The following PCDHA12 variants were observed in gnomAD, a reference collection of about 807,000 sequenced individuals.
PCDHA12 encodes the protein protocadherin alpha-12.
Under a neutral mutation model 60.0 loss-of-function variants are expected in PCDHA12, and 44 were observed. That is an observed-to-expected ratio of 0.73 (90% CI 0.58 to 0.94). The LOEUF is 0.94. Among genes scored for constraint, PCDHA12 ranks in the 40% least tolerant of loss-of-function variants. PCDHA12 has a pLI of 0.00. For synonymous variants in PCDHA12, 569 were observed against 553.0 expected (o/e 1.03, Z -0.40); for missense variants, 1,276 against 1,239.7 (o/e 1.03, Z -0.44).
intron 1 of PCDHA12, among the ~76,000 whole-genome samples, chr5:140,925,576 A>G (rs1157907719): frequency 2.0e-5 from 3 of 151,872 alleles, no homozygotes; most frequent in African/African-American, 7.3e-5. Flanking sequence ...CAGCACACCA[A>G]CATGGCGCAT....
intron 1 of PCDHA12, among the ~76,000 whole-genome samples, chr5:140,930,792 A>G (rs782797665): frequency 4.9e-4 from 74 of 152,228 alleles, no homozygotes; most frequent in Admixed American, 1.4e-3. Flanking sequence ...AATATAATAG[A>G]ATCCAGCATA....
chr5:140,946,327 G>C (rs2093929992), intron 1 of PCDHA12, among the ~76,000 whole-genome samples: 2 of 151,720 alleles, frequency 1.3e-5, no homozygotes, highest in Non-Finnish European at 3.0e-5. Flanking sequence ...AAAGAGGAAA[G>C]ATAACAAGTG....
At chr5:140,880,514 T>A (rs2058367516) in intron 1 of PCDHA12, among the ~76,000 whole-genome samples, 1 of 152,198 alleles carries the variant, frequency 6.6e-6, no homozygotes, top group African/African-American at 2.4e-5. Context: ...TTTGGTCACA[T>A]CTCTCAATGT....
At position 140,876,989 on chromosome 5, in the gene PCDHA12, G is replaced by A. The variant is rs781957201; in HGVS notation, c.1517G>A (p.Ser506Asn). The A allele has an allele frequency of 6.2e-7, 1 of 1,612,664 alleles. No individual in the cohort carries two copies. The change falls in exon 1 of 4, where the codon AGC (serine) becomes AAC (asparagine). Residue 506 changes from serine to asparagine, a missense_variant. Ser to Asn is a conservative substitution (Grantham distance 46, BLOSUM62 1). Transcript: ENST00000398631. ...ERRVGEHALS[S>N]YVSVHAESGK... ...CGGGTGGGCGAGCACGCACTGTCGA[G>A]CTACGTGTCGGTGCACGCGGAGAGC... is the stretch of plus-strand genomic sequence containing the variant.
At position 140,876,605 on chromosome 5, in the gene PCDHA12, A is replaced by T. The variant is rs1582292779; in HGVS notation, c.1133A>T (p.Asp378Val). 6.2e-7 allele frequency: 1 copy of T among 1,614,060 alleles called. No homozygotes were observed. The highest frequency in any genetic ancestry group is 1.1e-5 in the South Asian group (1 of 91,078). ...GCCCTGATTAGCGTGTCGGATCGTGACTCTGGAGCCAATGGACAGGTCATC... is the reference window on the plus strand; with the variant it reads ...GCCCTGATTAGCGTGTCGGATCGTGTCTCTGGAGCCAATGGACAGGTCATC... ...VIALISVSDR[D>V]SGANGQVICS... Residue 378 changes from aspartate to valine, a missense_variant, in exon 1 of 4, where the codon GAC becomes GTC. By Grantham distance (152) the Asp-to-Val change is radical (BLOSUM62 -3). Transcript: ENST00000398631.
chr5:140,962,008 C>T (rs1363169601), intron 1 of PCDHA12, among the ~76,000 whole-genome samples: 5 of 152,088 alleles, frequency 3.3e-5, no homozygotes, highest in South Asian at 2.1e-4. Context: ...CTCAGCTTCC[C>T]GAGTAGCTGG....
chr5:140,950,254 T>C (rs1554219388), intron 1 of PCDHA12, among the ~76,000 whole-genome samples: 1 of 152,040 alleles, frequency 6.6e-6, no homozygotes. Context: ...CCTAAAGAGC[T>C]GAGTTTATCC....
At chr5:140,914,930 T>C (rs1474677743) in intron 1 of PCDHA12, among the ~76,000 whole-genome samples, 1 of 150,038 alleles carries the variant, frequency 6.7e-6, no homozygotes, top group Non-Finnish European at 1.5e-5. Flanking sequence ...TTGTACTATG[T>C]TGTGAAAAGT....
chr5:140,967,659 G>A, intron 1 of PCDHA12: 1 of 1,614,218 alleles, frequency 6.2e-7, no homozygotes, highest in Non-Finnish European at 8.5e-7. Flanking sequence ...TCCTTGAGCA[G>A]CTACACGTCG....
intron 1 of PCDHA12, among the ~76,000 whole-genome samples, chr5:140,959,621 A>G (rs1198133284): frequency 6.6e-6 from 1 of 152,152 alleles, no homozygotes; most frequent in African/African-American, 2.4e-5. Flanking sequence ...CTTGTGATAG[A>G]AAAAAAGAGA....
chr5:140,906,252 C>T (rs1376694912), intron 1 of PCDHA12, among the ~76,000 whole-genome samples: 1 of 152,180 alleles, frequency 6.6e-6, no homozygotes, highest in Admixed American at 6.5e-5. Flanking sequence ...AACCCATACA[C>T]ACCTCCTGAA....
chr5:140,983,270 GGGT>G (rs1349296894), intron 3 of PCDHA12, among the ~76,000 whole-genome samples: 4 of 152,152 alleles, frequency 2.6e-5, no homozygotes, highest in Non-Finnish European at 2.9e-5. Flanking sequence ...CCTAATGGCT[GGGT>G]GAGTATAGGA....
chr5:140,959,471 C>T (rs910729465), intron 1 of PCDHA12, among the ~76,000 whole-genome samples: 3 of 151,970 alleles, frequency 2.0e-5, no homozygotes, highest in African/African-American at 7.3e-5. Context: ...TGGCATCAAT[C>T]AAGGCATATT....
In PCDHA12 at chr5:140,876,942, G is replaced by C. The variant is rs370156477; in HGVS notation, c.1470G>C (p.Val490=). Residue 490 remains valine, a synonymous_variant, in exon 1 of 4, where the codon GTG becomes GTC. Transcript: ENST00000398631. ...WDADAQKNAL[V]SYSLVERRVG... is the part of the protein sequence containing the mutation. The stretch of plus-strand genomic sequence containing the variant: ...CGGACGCGCAGAAGAACGCGCTGGT[G>C]TCCTACTCGCTGGTGGAGCGGCGGG... 1 of 1,613,660 alleles carries C rather than the reference G, an allele frequency of 6.2e-7. No individual in the cohort carries two copies. The highest frequency in any genetic ancestry group is 1.1e-5 in the South Asian group (1 of 91,062).
intron 1 of PCDHA12, among the ~76,000 whole-genome samples, chr5:140,878,476 A>G (rs1037108551): frequency 6.6e-6 from 1 of 152,204 alleles, no homozygotes; most frequent in Admixed American, 6.5e-5. Flanking sequence ...TCATTTCTCA[A>G]TTTAAAAATA....
chr5:140,875,981 A>G lies in PCDHA12; in HGVS notation c.509A>G (p.Tyr170Cys), dbSNP rs200521027. 1.0e-3 allele frequency: 1,684 copies of G among 1,614,052 alleles called. 3 individuals are homozygous for G. Among genetic ancestry groups the G allele is most frequent in the Admixed American group, 1.5e-3 (93 of 60,032 alleles). ...ATCGGCGTAAACTCTCTTTTGACCT[A>G]TGCGTTAAGTCTAAATGAGAATTTT... ...ADIGVNSLLT[Y>C]ALSLNENFEL... The change falls in exon 1 of 4, where the codon TAT becomes TGT. Residue 170 changes from tyrosine to cysteine, a missense_variant. Transcript: ENST00000398631.
chr5:140,919,136 G>T (rs1340753916), intron 1 of PCDHA12, among the ~76,000 whole-genome samples: 5 of 152,064 alleles, frequency 3.3e-5, no homozygotes, highest in African/African-American at 1.2e-4. Context: ...GTGTTTTGGG[G>T]CTCTATTATT....
intron 3 of PCDHA12, chr5:140,988,873 G>A (rs1471282852): frequency 6.6e-6 from 1 of 152,170 alleles, no homozygotes; most frequent in Non-Finnish European, 1.5e-5. Context: ...GCACTCAGAT[G>A]TACGATCCTG....
At chr5:140,974,108 C>A (rs977903039) in intron 1 of PCDHA12, among the ~76,000 whole-genome samples, 3 of 152,182 alleles carry the variant, frequency 2.0e-5, no homozygotes, top group African/African-American at 7.2e-5. Flanking sequence ...TAAAAGTATT[C>A]TTTTGCAGTG....
Sources: allele counts gnomAD v4.1 joint callset (sites outside exome capture counted in the v4.1 genomes callset), GRCh38; gene constraint gnomAD v4.1.1; transcripts MANE v1.5; gene names NCBI Gene and HGNC (gene_info 2026-07-23, HGNC 2026-07-21).